Variants in MCTP1 observed in about 807,000 individuals in gnomAD.
MCTP1 encodes the protein multiple C2 and transmembrane domain containing 1.
In MCTP1, 69 loss-of-function variants were observed where a neutral mutation model predicts 120.6. The observed-to-expected ratio is 0.57, with a 90% CI of 0.47 to 0.70. The LOEUF (loss-of-function observed/expected upper bound fraction) is 0.70. Among genes scored for constraint, MCTP1 ranks in the 30% least tolerant of loss-of-function variants. The pLI is 0.00. For missense variants in MCTP1, 1,203 were observed against 1,248.8 expected (o/e 0.96, Z 0.55); for synonymous variants, 529 against 493.1 (o/e 1.07, Z -0.96).
Position 95,284,363 on chromosome 5 carries a change from C to T in MCTP1, c.213G>A (p.Gly71=), listed in dbSNP as rs528761511. Reference sequence around the variant, plus strand: ...CGCTCCACCTGCTGCCTGCACCACTCCCCCTGGCCGGTGCATTCCCTGTGC... The same window carrying T: ...CGCTCCACCTGCTGCCTGCACCACTTCCCCTGGCCGGTGCATTCCCTGTGC... ...PVGTGNAPAR[G]SGAGSRWSGF... is the part of the protein sequence containing the mutation. Residue 71 remains glycine, a synonymous_variant, in exon 1 of 23, where the codon GGG becomes GGA. Transcript: ENST00000515393. The surrounding 1 kb of genome is among the most constrained non-coding windows in gnomAD (Gnocchi z 5.2). 2 of 1,596,244 alleles carry T rather than the reference C, an allele frequency of 1.3e-6. No homozygotes were observed. Among genetic ancestry groups the T allele is most frequent in the South Asian group, 1.1e-5 (1 of 90,880 alleles).
chr5:94,765,394 A>T (rs1171681109), intron 19 of MCTP1, among the ~76,000 whole-genome samples: 3 of 152,158 alleles, frequency 2.0e-5, no homozygotes, highest in African/African-American at 7.2e-5. Flanking sequence ...AGTAATAAAG[A>T]TCAGAGCAGA....
At chr5:94,822,933 T>A (rs943778972) in intron 17 of MCTP1, among the ~76,000 whole-genome samples, 17 of 152,230 alleles carry the variant, frequency 1.1e-4, no homozygotes, top group African/African-American at 4.1e-4. Flanking sequence ...AGGCTTCTTA[T>A]AGATTCTGGA....
At chr5:95,181,116 C>A (rs1748549158) in intron 1 of MCTP1, among the ~76,000 whole-genome samples, 1 of 152,236 alleles carries the variant, frequency 6.6e-6, no homozygotes, top group Non-Finnish European at 1.5e-5. Flanking sequence ...CCATAGTCAA[C>A]TTTTAGCTCA....
At chr5:94,895,995 T>C (rs1380009306) in intron 10 of MCTP1, among the ~76,000 whole-genome samples, 1 of 152,188 alleles carries the variant, frequency 6.6e-6, no homozygotes, top group Non-Finnish European at 1.5e-5. Flanking sequence ...GATTACAGTC[T>C]GTACAAGTCT....
chr5:94,825,725 T>C (rs1786876448), intron 17 of MCTP1, among the ~76,000 whole-genome samples: 1 of 151,976 alleles, frequency 6.6e-6, no homozygotes, highest in Non-Finnish European at 1.5e-5. Context: ...TGGGTGCTCC[T>C]GTATTGGGTG....
intron 1 of MCTP1, among the ~76,000 whole-genome samples, chr5:95,026,962 A>G (rs973159613): frequency 6.6e-6 from 1 of 152,224 alleles, no homozygotes; most frequent in African/African-American, 2.4e-5. Flanking sequence ...ACTTTCTATG[A>G]CACTGAAAAC....
At chr5:95,177,542 G>C (rs140961071) in intron 1 of MCTP1, among the ~76,000 whole-genome samples, 1 of 152,308 alleles carries the variant, frequency 6.6e-6, no homozygotes, top group Non-Finnish European at 1.5e-5. Flanking sequence ...TATCTTAAAA[G>C]CTCTATTATC....
rs115845231 is a variant in MCTP1 at position 94,862,751 on chromosome 5, T to C, written c.2436+5582A>G. Reference sequence around the variant, plus strand: ...GCTTAGGAAAACCTAATTTACAATTTTTCATGTAATTTTGGACAATGTTTG... The same window carrying C: ...GCTTAGGAAAACCTAATTTACAATTCTTCATGTAATTTTGGACAATGTTTG... On this transcript the variant is annotated intron_variant, in intron 17 of 22. Transcript: ENST00000515393. Among the ~76,000 whole-genome samples, 992 of 151,900 alleles carry C rather than the reference T, an allele frequency of 6.5e-3. 14 individuals are homozygous for C. Among genetic ancestry groups the C allele is most frequent in the African/African-American group, 0.023 (957 of 41,492 alleles).
chr5:94,932,673 TTTTTG>T (rs1353731485), intron 5 of MCTP1, among the ~76,000 whole-genome samples: 1 of 151,442 alleles, frequency 6.6e-6, no homozygotes, highest in Admixed American at 6.6e-5. Context: ...CCAACGAATT[TTTTTG>T]TTTTCTCTCT....
chr5:95,022,634 C>G (rs779387176), intron 1 of MCTP1, among the ~76,000 whole-genome samples: 1 of 152,120 alleles, frequency 6.6e-6, no homozygotes, highest in Non-Finnish European at 1.5e-5. Flanking sequence ...CAATGGGAAT[C>G]TAAATAAAGT....
At chr5:95,259,818 T>C (rs186034953) in intron 1 of MCTP1, among the ~76,000 whole-genome samples, 2 of 152,274 alleles carry the variant, frequency 1.3e-5, no homozygotes, top group African/African-American at 4.8e-5. Context: ...CAGCAAAAAA[T>C]TAAAATATTA....
chr5:94,964,658 C>G (rs368656953), intron 2 of MCTP1, among the ~76,000 whole-genome samples: 1 of 152,092 alleles, frequency 6.6e-6, no homozygotes, highest in Admixed American at 6.6e-5. Flanking sequence ...AGTACAGATA[C>G]GCTTGCTCTC....
chr5:95,011,396 T>A (rs1835909032), intron 2 of MCTP1, among the ~76,000 whole-genome samples: 1 of 152,128 alleles, frequency 6.6e-6, no homozygotes, highest in Admixed American at 6.6e-5. Flanking sequence ...GATATTTATC[T>A]TATTCTATGG....
intron 1 of MCTP1, among the ~76,000 whole-genome samples, chr5:95,059,936 T>G (rs1365668285): frequency 6.6e-6 from 1 of 152,090 alleles, no homozygotes; most frequent in Non-Finnish European, 1.5e-5. Flanking sequence ...AAACCCAGGA[T>G]GGAGAGAAAC....
chr5:95,255,839 G>A (rs1757828140), intron 1 of MCTP1, among the ~76,000 whole-genome samples: 1 of 152,094 alleles, frequency 6.6e-6, no homozygotes, highest in African/African-American at 2.4e-5. Context: ...GAACTTCTCA[G>A]GGATTCTTCC....
intron 19 of MCTP1, among the ~76,000 whole-genome samples, chr5:94,744,207 G>A (rs958495201): frequency 2.0e-5 from 3 of 151,942 alleles, no homozygotes; most frequent in Non-Finnish European, 4.4e-5. Context: ...GGGCTGATCC[G>A]AAGTGATCCA....
chr5:94,874,273 A>G (rs893489896), intron 12 of MCTP1, among the ~76,000 whole-genome samples: 1 of 152,108 alleles, frequency 6.6e-6, no homozygotes, highest in East Asian at 1.9e-4. Context: ...AGTAGTTTAC[A>G]CTTCTGCAAA....
rs753153418 is a variant in MCTP1, at chr5:95,271,811, TA to T, written c.720+12044del. 2.1e-3 allele frequency among the ~76,000 whole-genome samples: 326 copies of T among 152,106 alleles called. 2 individuals carry two copies. The highest frequency in any genetic ancestry group is 0.015 in the South Asian group (74 of 4,826). ...ATATATAGCTATATAGATAGATAGA[TA>T]GATATAAAATATTTTAAATTCAAAG... On this transcript the variant is annotated intron_variant, in intron 1 of 22. Coordinates refer to ENST00000515393, the MANE Select transcript of MCTP1 (RefSeq NM_024717.7).
intron 1 of MCTP1, chr5:95,165,993 A>G (rs534938919): frequency 3.9e-5 from 6 of 152,208 alleles, no homozygotes; most frequent in Middle Eastern, 3.4e-3. Context: ...CCCCATTACC[A>G]TATTTCTCAC....
Sources: allele counts gnomAD v4.1 joint callset (sites outside exome capture counted in the v4.1 genomes callset), GRCh38; gene constraint gnomAD v4.1.1; non-coding constraint Gnocchi (gnomAD v3.1); transcripts MANE v1.5; gene names NCBI Gene and HGNC (gene_info 2026-07-23, HGNC 2026-07-21).